ABCC4: variants seen among roughly 807,000 people sequenced by gnomAD.
The protein encoded by ABCC4 is ATP-binding cassette sub-family C member 4.
In ABCC4, 102 loss-of-function variants were observed where a neutral mutation model predicts 168.5. That is an observed-to-expected ratio of 0.61 (90% confidence interval 0.52 to 0.71). The LOEUF (loss-of-function observed/expected upper bound fraction) is 0.71, where lower values mean the gene tolerates loss of function less well. ABCC4 is among the 30% of genes least tolerant of loss of function. The pLI is 0.00. For missense variants in ABCC4, 1,402 were observed against 1,605.8 expected (o/e 0.87, Z 2.17); for synonymous variants, 617 against 590.7 (o/e 1.04, Z -0.65).
intron 30 of ABCC4, 31 bp from the exon 31 acceptor site, chr13:95,021,713 A>G: frequency 1.3e-6 from 2 of 1,502,002 alleles, no homozygotes; most frequent in Non-Finnish European, 1.8e-6. Context: ...CATAAAAAGA[A>G]TGTTTCAAAA....
intron 26 of ABCC4, among the ~76,000 whole-genome samples, chr13:95,058,799 C>T (rs1566379361): frequency 6.6e-6 from 1 of 152,134 alleles, no homozygotes; most frequent in Non-Finnish European, 1.5e-5. Flanking sequence ...ACTTGACACA[C>T]CCTGCAGGGC....
intron 1 of ABCC4, among the ~76,000 whole-genome samples, chr13:95,268,794 G>A (rs1046495770): frequency 1.3e-5 from 2 of 152,046 alleles, no homozygotes; most frequent in African/African-American, 2.4e-5. Flanking sequence ...CCCCCTCTCC[G>A]AGAAATAATG....
At chr13:95,243,612 C>CA (rs141804493) in intron 3 of ABCC4, among the ~76,000 whole-genome samples, 15,147 of 152,148 alleles carry the variant, frequency 0.1, 1,870 homozygotes, top group African/African-American at 0.29. Flanking sequence ...GTCAGCCAGG[C>CA]ACAGTGGCTC....
At chr13:95,205,380 T>C (rs1235357156) in intron 8 of ABCC4, among the ~76,000 whole-genome samples, 1 of 152,218 alleles carries the variant, frequency 6.6e-6, no homozygotes, top group Non-Finnish European at 1.5e-5. Flanking sequence ...TCACAGCCAG[T>C]GTCAGCTAAG....
In ABCC4 at chr13:95,206,796, A is replaced by G. The variant is rs777533660; in HGVS notation, c.912-15T>C. 6.2e-7 allele frequency: 1 copy of G among 1,612,364 alleles called. No individual in the cohort carries two copies. Among genetic ancestry groups the G allele is most frequent in the African/African-American group, 1.3e-5 (1 of 74,998 alleles). Reference sequence around the variant, plus strand: ...AAATCTCCTTCCTGAAAGAGAGTACAGGTTTTTAAAAAAGCAGTGATGTCA... The same window carrying G: ...AAATCTCCTTCCTGAAAGAGAGTACGGGTTTTTAAAAAAGCAGTGATGTCA... On this transcript the variant is annotated splice_polypyrimidine_tract_variant and intron_variant, in intron 7 of 30. Transcript: ENST00000645237.
chr13:95,120,514 C>T (rs1197297085), intron 19 of ABCC4, among the ~76,000 whole-genome samples: 8 of 139,890 alleles, frequency 5.7e-5, no homozygotes, highest in Admixed American at 3.8e-4. Flanking sequence ...TGCCATGAGC[C>T]AAGATGATGG....
chr13:95,247,145 T>C, intron 2 of ABCC4, 50 bp from the exon 3 acceptor site: 2 of 1,580,932 alleles, frequency 1.3e-6, no homozygotes, highest in Non-Finnish European at 8.6e-7. Flanking sequence ...TGCCACAATA[T>C]AAAACAGGGG....
intron 19 of ABCC4, among the ~76,000 whole-genome samples, chr13:95,154,477 A>G (rs1386756359): frequency 6.6e-6 from 1 of 152,204 alleles, no homozygotes; most frequent in Non-Finnish European, 1.5e-5. Context: ...CATATCCACA[A>G]CAGATCTCAC....
At chr13:95,080,865 A>G (rs751853076) in intron 21 of ABCC4, among the ~76,000 whole-genome samples, 10 of 152,146 alleles carry the variant, frequency 6.6e-5, no homozygotes, top group Non-Finnish European at 1.2e-4. Context: ...TGAGGGCACA[A>G]GGATGAAGCT....
intron 11 of ABCC4, among the ~76,000 whole-genome samples, chr13:95,184,508 G>A (rs1379985977): frequency 2.6e-5 from 4 of 152,182 alleles, no homozygotes; most frequent in Admixed American, 6.5e-5. Flanking sequence ...ATGTTCAAGT[G>A]AGTCATTTTA....
intron 19 of ABCC4, among the ~76,000 whole-genome samples, chr13:95,154,114 T>C (rs1039324833): frequency 1.3e-5 from 2 of 152,262 alleles, no homozygotes; most frequent in Non-Finnish European, 1.5e-5. Flanking sequence ...ATCATTATGA[T>C]TGATGCAATC....
At chr13:95,056,710 T>A (rs1049501580) in intron 26 of ABCC4, among the ~76,000 whole-genome samples, 2 of 150,366 alleles carry the variant, frequency 1.3e-5, no homozygotes, top group Non-Finnish European at 3.0e-5. Context: ...AGAGACACAC[T>A]CTGGTTAACC....
In ABCC4 at chr13:95,209,123, A is replaced by G. The variant is rs535528212; in HGVS notation, c.785+311T>C. ...AGAATGGAGCCTATGAAACATTTCA[A>G]TTTATCATTATTCATTATATGTTTA... On this transcript the variant is annotated intron_variant, in intron 6 of 30. Transcript: ENST00000645237. Among the ~76,000 whole-genome samples the G allele has an allele frequency of 1.8e-4, 27 of 152,314 alleles. No homozygotes were observed. In the South Asian group the frequency reaches 5.2e-3, roughly 29 times the overall value.
chr13:95,021,585 G>A lies in ABCC4; in HGVS notation c.3968C>T (p.Thr1323Ile), dbSNP rs749424670. 1 of 1,608,740 alleles carries A rather than the reference G, an allele frequency of 6.2e-7. No individual in the cohort carries two copies. Among genetic ancestry groups the A allele is most frequent in the Non-Finnish European group, 8.5e-7 (1 of 1,175,288 alleles). ...ACATTTTGGTTGGATTCACAGTGCTGTCTCGAAAATAGTTAAGGTCGAGGG... is the reference window on the plus strand; with the variant it reads ...ACATTTTGGTTGGATTCACAGTGCTATCTCGAAAATAGTTAAGGTCGAGGG... The part of the protein sequence containing the change: ...GQPSTLTIFE[T>I]AL Residue 1323 changes from threonine to isoleucine, a missense_variant, in exon 31 of 31, where the codon ACA becomes ATA. This residue lies in a region of ABCC4 where 1,007 missense variants were observed against 1,127.3 expected (regional missense o/e 0.89). Transcript: ENST00000645237.
intron 1 of ABCC4, among the ~76,000 whole-genome samples, chr13:95,280,636 C>G (rs2041096828): frequency 6.7e-6 from 1 of 148,738 alleles, no homozygotes; most frequent in Non-Finnish European, 1.5e-5. Context: ...CTTCCCTTTT[C>G]TGTGTCTGTG....
intron 19 of ABCC4, among the ~76,000 whole-genome samples, chr13:95,119,895 C>T (rs1456585422): frequency 1.3e-5 from 2 of 152,198 alleles, no homozygotes; most frequent in Non-Finnish European, 2.9e-5. Flanking sequence ...AGTTTCAAGA[C>T]ATTTTTATGC....
intron 19 of ABCC4, among the ~76,000 whole-genome samples, chr13:95,140,273 A>G (rs1394269070): frequency 4.6e-5 from 7 of 152,198 alleles, no homozygotes; most frequent in Non-Finnish European, 8.8e-5. Context: ...AGAGCACTTC[A>G]TGGACTCGGC....
intron 20 of ABCC4, among the ~76,000 whole-genome samples, chr13:95,109,297 G>A (rs1449895352): frequency 2.0e-5 from 3 of 152,078 alleles, no homozygotes; most frequent in Non-Finnish European, 4.4e-5. Flanking sequence ...GAGTGGTAAA[G>A]AAAAGCATCA....
chr13:95,263,135 T>G (rs2040578329), intron 1 of ABCC4, among the ~76,000 whole-genome samples: 1 of 152,130 alleles, frequency 6.6e-6, no homozygotes, highest in Admixed American at 6.6e-5. Context: ...AAAAAACGTG[T>G]GTTACAGAAG....
Sources: gnomAD v4.1 joint callset for allele counts (sites outside exome capture counted in the v4.1 genomes callset) on GRCh38, gnomAD v4.1.1 for gene constraint, gnomAD v4.1.1 regional missense constraint, MANE v1.5 for transcripts, NCBI Gene and HGNC (gene_info 2026-07-23, HGNC 2026-07-21) for gene names.